PCDH15: variants seen among roughly 807,000 people sequenced by gnomAD.
PCDH15 encodes the protein protocadherin-15.
Under a neutral mutation model 178.5 loss-of-function variants are expected in PCDH15, and 129 were observed. That is an observed-to-expected ratio of 0.72 (90% CI 0.63 to 0.84). The LOEUF (loss-of-function observed/expected upper bound fraction) is 0.84. PCDH15 is among the 40% of genes least tolerant of loss of function. PCDH15 has a pLI of 0.00. For synonymous variants in PCDH15, 800 were observed against 732.0 expected (o/e 1.09, Z -1.50); for missense variants, 2,230 against 2,099.9 (o/e 1.06, Z -1.21).
chr10:53,827,667 C>T, intron 31 of PCDH15, 119 bp from the exon 32 acceptor site: 1 of 1,162,738 alleles, frequency 8.6e-7, no homozygotes, highest in Non-Finnish European at 1.2e-6. Context: ...TTATTTTACA[C>T]AAACATCAAT....
rs188435084 is a variant in PCDH15, at chr10:54,757,175, T to C, written c.-29+43750A>G. ...TGTGTTCTATTAGCTGGGGACAATT[T>C]GTAACTGTCCTTATTAGAAACATAC... is the stretch of plus-strand genomic sequence containing the variant. On this transcript the variant is annotated intron_variant, in intron 1 of 37. Transcript: ENST00000644397. Among the ~76,000 whole-genome samples the C allele has an allele frequency of 1.7e-3, 264 of 152,312 alleles. 2 individuals are homozygous for C. The highest frequency in any genetic ancestry group is 3.2e-3 in the Non-Finnish European group (215 of 68,026).
At chr10:53,816,871 AGG>A (rs2076077423) in intron 34 of PCDH15, among the ~76,000 whole-genome samples, 1 of 152,238 alleles carries the variant, frequency 6.6e-6, no homozygotes, top group Admixed American at 6.5e-5. Flanking sequence ...CAGATTTGGT[AGG>A]AATTGCTTCC....
intron 2 of PCDH15, among the ~76,000 whole-genome samples, chr10:55,340,969 A>G (rs1041199280): frequency 2.0e-5 from 3 of 151,946 alleles, no homozygotes; most frequent in African/African-American, 4.8e-5. Flanking sequence ...AAATTTACAC[A>G]ATTTGAAATC....
At chr10:54,348,885 T>C (rs549608098) in intron 5 of PCDH15, among the ~76,000 whole-genome samples, 3 of 152,310 alleles carry the variant, frequency 2.0e-5, no homozygotes, top group East Asian at 3.9e-4. Flanking sequence ...TTACTTCAAC[T>C]ACTTTAGATT....
intron 8 of PCDH15, among the ~76,000 whole-genome samples, chr10:54,283,689 A>T (rs2058847102): frequency 6.6e-6 from 1 of 152,180 alleles, no homozygotes; most frequent in Non-Finnish European, 1.5e-5. Context: ...ACTAAAGTGT[A>T]ATACCAAAAT....
chr10:55,284,576 C>A (rs1379965454), intron 1 of PCDH15, among the ~76,000 whole-genome samples: 1 of 144,246 alleles, frequency 6.9e-6, no homozygotes, highest in Admixed American at 6.9e-5. Flanking sequence ...ATTATTTTTT[C>A]TATTTTTCAT....
At chr10:55,252,430 A>T (rs1841862829) in intron 1 of PCDH15, among the ~76,000 whole-genome samples, 3 of 152,160 alleles carry the variant, frequency 2.0e-5, no homozygotes, top group Non-Finnish European at 4.4e-5. Context: ...CTTCCTTTTT[A>T]AAAAATATTT....
Position 55,589,746 on chromosome 10 carries a change from A to G in PCDH15, c.-156+37879T>C, listed in dbSNP as rs1589160661. On this transcript the variant is annotated intron_variant, in intron 2 of 5. Transcript: ENST00000613346. Reference sequence around the variant, plus strand: ...ATCACTGGCCATCAGAGAAATGCAAATCAAAACCACAATGAGATACCATCT... The same window carrying G: ...ATCACTGGCCATCAGAGAAATGCAAGTCAAAACCACAATGAGATACCATCT... 8.0e-5 allele frequency among the ~76,000 whole-genome samples: 12 copies of G among 150,024 alleles called. No individual in the cohort carries two copies. The South Asian group carries it at 2.5e-3, about 32-fold the overall frequency.
intron 2 of PCDH15, among the ~76,000 whole-genome samples, chr10:54,943,155 A>G (rs1181144201): frequency 6.6e-6 from 1 of 151,970 alleles, no homozygotes; most frequent in Non-Finnish European, 1.5e-5. Flanking sequence ...CCTTGGGCTC[A>G]AGTTTTCAGC....
intron 18 of PCDH15, among the ~76,000 whole-genome samples, chr10:54,052,687 G>A (rs1160015879): frequency 1.3e-5 from 2 of 152,154 alleles, no homozygotes; most frequent in Admixed American, 6.5e-5. Flanking sequence ...GGGACTGTTG[G>A]AAGGGCATAA....
At chr10:54,421,860 T>C (rs151292218) in intron 3 of PCDH15, among the ~76,000 whole-genome samples, 12,598 of 89,462 alleles carry the variant, frequency 0.14, 1,054 homozygotes, top group African/African-American at 0.19. Context: ...TATATATATA[T>C]ATACACACAC....
At chr10:55,322,715 T>C (rs987730955), upstream of PCDH15, among the ~76,000 whole-genome samples, 6 of 150,754 alleles carry the variant, frequency 4.0e-5, no homozygotes, top group African/African-American at 1.5e-4. Flanking sequence ...TAATTTAGGG[T>C]ATCTGGCAGA....
At chr10:54,326,254 T>C (rs1208879902) in intron 7 of PCDH15, among the ~76,000 whole-genome samples, 1 of 152,142 alleles carries the variant, frequency 6.6e-6, no homozygotes. Flanking sequence ...ATTTAAAATG[T>C]TGTGAAAATG....
chr10:53,870,130 C>T (rs1160360799), intron 26 of PCDH15, among the ~76,000 whole-genome samples: 2 of 152,118 alleles, frequency 1.3e-5, no homozygotes, highest in African/African-American at 4.8e-5. Flanking sequence ...TTTCAGTAAG[C>T]AGGTAATTTC....
At chr10:54,064,215 T>C (rs1023116145) in intron 18 of PCDH15, among the ~76,000 whole-genome samples, 1 of 152,196 alleles carries the variant, frequency 6.6e-6, no homozygotes. Flanking sequence ...GTAGTTCCTT[T>C]CTGCAGAAGG....
At chr10:54,083,356 G>A (rs565530973) in intron 16 of PCDH15, among the ~76,000 whole-genome samples, 15 of 152,258 alleles carry the variant, frequency 9.9e-5, no homozygotes, top group South Asian at 2.1e-4. Flanking sequence ...TTGTAATACC[G>A]AAAGGTAGAA....
intron 1 of PCDH15, among the ~76,000 whole-genome samples, chr10:55,194,086 A>C (rs576273076): frequency 6.6e-6 from 1 of 152,170 alleles, no homozygotes; most frequent in South Asian, 2.1e-4. Context: ...TGATATTATT[A>C]TTCTCACCAT....
At chr10:55,303,602 A>T (rs1588895090) in intron 1 of PCDH15, among the ~76,000 whole-genome samples, 1 of 152,202 alleles carries the variant, frequency 6.6e-6, no homozygotes, top group East Asian at 1.9e-4. Context: ...GGGCTATTCA[A>T]ATTATCTATT....
intron 3 of PCDH15, among the ~76,000 whole-genome samples, chr10:54,513,687 A>C (rs1169231460): frequency 6.6e-6 from 1 of 152,166 alleles, no homozygotes; most frequent in Non-Finnish European, 1.5e-5. Context: ...TCATATTAAT[A>C]CTCCAAACTA....
Sources: gnomAD v4.1 joint callset for allele counts (sites outside exome capture counted in the v4.1 genomes callset) on GRCh38, gnomAD v4.1.1 for gene constraint, MANE v1.5 for transcripts, NCBI Gene and HGNC (gene_info 2026-07-23, HGNC 2026-07-21) for gene names.